C1orf146: variants seen among roughly 807,000 people sequenced by gnomAD.
C1orf146 encodes the protein chromosome 1 open reading frame 146.
C1orf146 carries 22 observed loss-of-function variants against 23.0 expected under a neutral mutation model. The observed-to-expected ratio is 0.96, with a 90% CI of 0.68 to 1.36. C1orf146 has a LOEUF of 1.36. C1orf146 is among the 40% of genes most tolerant of loss of function. The pLI is 0.00. For missense variants in C1orf146, 199 were observed against 206.8 expected (o/e 0.96, Z 0.23); for synonymous variants, 59 against 65.3 (o/e 0.90, Z 0.47).
chr1:92,241,310 C>T (rs1326477313), intron 2 of C1orf146, among the ~76,000 whole-genome samples: 1 of 151,556 alleles, frequency 6.6e-6, no homozygotes. Context: ...CTCCCAGGCT[C>T]AAGTGATTCT....
chr1:92,238,915 T>C (rs540184659), intron 2 of C1orf146, among the ~76,000 whole-genome samples: 1 of 152,116 alleles, frequency 6.6e-6, no homozygotes, highest in African/African-American at 2.4e-5. Flanking sequence ...TTGACTCAGA[T>C]TTTTTGTTAT....
chr1:92,219,505 T>TTTTC (rs1651769386), intron 1 of C1orf146, among the ~76,000 whole-genome samples: 5 of 132,262 alleles, frequency 3.8e-5, no homozygotes. Flanking sequence ...TCTTTTTTTT[T>TTTTC]TTTTTTTTTT....
chr1:92,229,205 C>A (rs1652043759), intron 1 of C1orf146: 2 of 544,086 alleles, frequency 3.7e-6, no homozygotes, highest in Non-Finnish European at 7.4e-6. Context: ...CCTTCTGCAT[C>A]CTGTTGGTGA....
chr1:92,236,249 G>A (rs1442065516), intron 2 of C1orf146, among the ~76,000 whole-genome samples: 3 of 151,960 alleles, frequency 2.0e-5, no homozygotes. Context: ...GCTGGTACCG[G>A]TTGTTCCTTT....
At chr1:92,222,080 A>G (rs937231131) in intron 1 of C1orf146, among the ~76,000 whole-genome samples, 12 of 152,214 alleles carry the variant, frequency 7.9e-5, no homozygotes, top group African/African-American at 2.9e-4. Flanking sequence ...TTAACTAAAA[A>G]TACAAAAAAA....
intron 2 of C1orf146, among the ~76,000 whole-genome samples, chr1:92,238,023 G>A (rs956946048): frequency 4.6e-5 from 7 of 152,076 alleles, no homozygotes; most frequent in South Asian, 2.1e-4. Flanking sequence ...TCCGCCTCTC[G>A]GGCTCAAGTG....
At position 92,231,498 on chromosome 1, in the gene C1orf146, T is replaced by C; in HGVS notation, c.66+12T>C. On this transcript the variant is annotated intron_variant, in intron 2 of 5. Transcript: ENST00000370375. ...GCTCATCTCTTAAGGTAAAGGGGCA[T>C]TTGGGCCACTGATCTTTAACTTAAA... 1 of 1,577,514 alleles carries C rather than the reference T, an allele frequency of 6.3e-7. No homozygotes were observed. The highest frequency in any genetic ancestry group is 8.6e-7 in the Non-Finnish European group (1 of 1,159,030).
chr1:92,228,670 TG>T (rs1652029321), intron 1 of C1orf146, among the ~76,000 whole-genome samples: 4 of 152,174 alleles, frequency 2.6e-5, no homozygotes, highest in Admixed American at 2.0e-4. Flanking sequence ...CGGAGACTGC[TG>T]GCCTTGCAGA....
At chr1:92,229,498 C>T in intron 1 of C1orf146, 1 of 454,246 alleles carries the variant, frequency 2.2e-6, no homozygotes, top group Non-Finnish European at 4.3e-6. Context: ...GTACCCTTGT[C>T]CCCATTCTGG....
chr1:92,221,028 C>A (rs1187791703), intron 1 of C1orf146, among the ~76,000 whole-genome samples: 1 of 152,068 alleles, frequency 6.6e-6, no homozygotes, highest in Admixed American at 6.6e-5. Flanking sequence ...TAGATGCTTG[C>A]AGAATATATA....
rs577731147 is a variant in C1orf146 at position 92,232,960 on chromosome 1, G to T, written c.66+1474G>T. 2.8e-3 allele frequency among the ~76,000 whole-genome samples: 431 copies of T among 152,112 alleles called. 1 individual carries two copies. Among genetic ancestry groups the T allele is most frequent in the Non-Finnish European group, 4.8e-3 (323 of 67,970 alleles). On this transcript the variant is annotated intron_variant, in intron 2 of 5. Coordinates refer to ENST00000370375, the MANE Select transcript of C1orf146 (RefSeq NM_001012425.2). ...CACCCACTTTTTGATGGGGTTGTTT[G>T]TTTTTTTCTTGTAGATTTGTTTGAG...
At chr1:92,232,907 C>T (rs1478238807) in intron 2 of C1orf146, among the ~76,000 whole-genome samples, 5 of 152,126 alleles carry the variant, frequency 3.3e-5, no homozygotes, top group African/African-American at 1.2e-4. Flanking sequence ...TAAATGTCTT[C>T]TTTTGGGAAG....
intron 1 of C1orf146, 90 bp from the exon 2 acceptor site, chr1:92,231,287 TTAAAA>T: frequency 1.7e-6 from 1 of 586,212 alleles, no homozygotes; most frequent in Non-Finnish European, 3.0e-6. Context: ...CAAATATTCT[TTAAAA>T]TGTCTCCAAT....
intron 2 of C1orf146, among the ~76,000 whole-genome samples, chr1:92,237,245 T>C (rs1040794880): frequency 4.6e-5 from 7 of 152,166 alleles, no homozygotes; most frequent in Admixed American, 3.9e-4. Context: ...TTTTATCTAC[T>C]TTTGGTCTTT....
chr1:92,222,537 T>G (rs1250977244), intron 1 of C1orf146, among the ~76,000 whole-genome samples: 1 of 77,426 alleles, frequency 1.3e-5, no homozygotes, highest in African/African-American at 5.5e-5. Context: ...CTTCTTCGGT[T>G]TTTTTTTTTT....
chr1:92,231,131 G>T (rs1053290873), intron 1 of C1orf146, among the ~76,000 whole-genome samples: 3 of 152,224 alleles, frequency 2.0e-5, no homozygotes, highest in Non-Finnish European at 4.4e-5. Context: ...GACCTTGCGT[G>T]TTCTTGATGC....
chr1:92,225,127 T>C (rs111950859), intron 1 of C1orf146, among the ~76,000 whole-genome samples: 1 of 150,818 alleles, frequency 6.6e-6, no homozygotes, highest in Non-Finnish European at 1.5e-5. Flanking sequence ...TTTTTTTTTT[T>C]TCTTGAGACA....
intron 3 of C1orf146, among the ~76,000 whole-genome samples, chr1:92,243,807 T>TA (rs1414633771): frequency 6.6e-6 from 1 of 152,216 alleles, no homozygotes; most frequent in Non-Finnish European, 1.5e-5. Context: ...GCCCTACACA[T>TA]ATCTTCATCT....
At chr1:92,226,645 T>A (rs891025946) in intron 1 of C1orf146, among the ~76,000 whole-genome samples, 3 of 152,230 alleles carry the variant, frequency 2.0e-5, no homozygotes, top group Admixed American at 2.0e-4. Flanking sequence ...CCTTTTACTT[T>A]CACCCTTTTT....
Sources: allele counts gnomAD v4.1 joint callset (sites outside exome capture counted in the v4.1 genomes callset), GRCh38; gene constraint gnomAD v4.1.1; transcripts MANE v1.5; gene names NCBI Gene and HGNC (gene_info 2026-07-23, HGNC 2026-07-21).